Variants in RABGAP1L observed in about 807,000 individuals in gnomAD.
RABGAP1L encodes the protein rab GTPase-activating protein 1-like.
Under a neutral mutation model 137.7 loss-of-function variants are expected in RABGAP1L, and 63 were observed. The ratio of observed to expected loss-of-function variants is 0.46; its 90% CI spans 0.37 to 0.56. The LOEUF is 0.56. Ranked by LOEUF, RABGAP1L falls within the 20% of genes least tolerant of loss-of-function variation. The pLI is 0.00. For synonymous variants in RABGAP1L, 431 were observed against 433.7 expected, an observed-to-expected ratio of 0.99 and a Z score of 0.08; for missense variants, 1,095 against 1,244.0, an observed-to-expected ratio of 0.88 and a Z score of 1.80.
chr1:174,718,659 C>T (rs1314273804), intron 17 of RABGAP1L, among the ~76,000 whole-genome samples: 3 of 152,030 alleles, frequency 2.0e-5, no homozygotes, highest in Non-Finnish European at 2.9e-5. Flanking sequence ...CCAGCTGTAT[C>T]AGGCTGAGTG....
intron 11 of RABGAP1L, among the ~76,000 whole-genome samples, chr1:174,325,614 C>G (rs1680370639): frequency 6.6e-6 from 1 of 152,144 alleles, no homozygotes; most frequent in Non-Finnish European, 1.5e-5. Context: ...CTCATGGTTT[C>G]TATATTGGAA....
At chr1:174,360,160 T>A (rs1007939424) in intron 11 of RABGAP1L, among the ~76,000 whole-genome samples, 30 of 152,216 alleles carry the variant, frequency 2.0e-4, no homozygotes, top group Non-Finnish European at 3.1e-4. Context: ...TAATTGTTGT[T>A]AACAGTGAGA....
At chr1:174,306,740 T>C (rs1363914611) in intron 11 of RABGAP1L, among the ~76,000 whole-genome samples, 1 of 152,146 alleles carries the variant, frequency 6.6e-6, no homozygotes, top group East Asian at 1.9e-4. Flanking sequence ...ATTTACTACA[T>C]GGTTGCTGCT....
chr1:174,755,497 A>C (rs2148685303), intron 18 of RABGAP1L, among the ~76,000 whole-genome samples: 1 of 152,304 alleles, frequency 6.6e-6, no homozygotes, highest in Non-Finnish European at 1.5e-5. Flanking sequence ...GTTAAAAGCA[A>C]ATGACAGAGT....
intron 13 of RABGAP1L, among the ~76,000 whole-genome samples, chr1:174,534,303 A>G (rs1172302833): frequency 6.6e-6 from 1 of 152,016 alleles, no homozygotes; most frequent in African/African-American, 2.4e-5. Flanking sequence ...ACAAAACAAA[A>G]AGCTGCAGTA....
intron 13 of RABGAP1L, among the ~76,000 whole-genome samples, chr1:174,440,401 G>C (rs1297963289): frequency 6.6e-6 from 1 of 152,170 alleles, no homozygotes; most frequent in Non-Finnish European, 1.5e-5. Flanking sequence ...CACTACAGGT[G>C]TCTAAGCACA....
At chr1:174,331,308 A>G (rs1265676605) in intron 11 of RABGAP1L, among the ~76,000 whole-genome samples, 1 of 152,244 alleles carries the variant, frequency 6.6e-6, no homozygotes, top group Non-Finnish European at 1.5e-5. Context: ...CCTCAAAAAT[A>G]AGAGCAACAA....
intron 13 of RABGAP1L, among the ~76,000 whole-genome samples, chr1:174,596,281 C>A (rs1223405267): frequency 6.6e-6 from 1 of 150,884 alleles, no homozygotes; most frequent in African/African-American, 2.5e-5. Flanking sequence ...GAACCCGGTA[C>A]CTCAGATGGA....
intron 13 of RABGAP1L, among the ~76,000 whole-genome samples, chr1:174,550,917 C>CACACACACAT (rs1374389910): frequency 0.086 from 8,305 of 96,270 alleles, 728 homozygotes; most frequent in East Asian, 0.33. Flanking sequence ...TATACACACA[C>CACACACACAT]ACACATATAT....
At chr1:174,978,261 C>T (rs1015128436) in intron 22 of RABGAP1L, among the ~76,000 whole-genome samples, 5 of 152,158 alleles carry the variant, frequency 3.3e-5, no homozygotes, top group African/African-American at 1.2e-4. Flanking sequence ...ACTTTAGCTC[C>T]TTCTAAAGTC....
chr1:174,616,886 C>A (rs145410639), intron 13 of RABGAP1L, among the ~76,000 whole-genome samples: 1 of 152,190 alleles, frequency 6.6e-6, no homozygotes, highest in East Asian at 1.9e-4. Flanking sequence ...TCTGAAAAAG[C>A]ATCTCACGTG....
intron 13 of RABGAP1L, among the ~76,000 whole-genome samples, chr1:174,500,592 A>G (rs540133696): frequency 6.6e-6 from 1 of 152,324 alleles, no homozygotes; most frequent in South Asian, 2.1e-4. Flanking sequence ...CAGTAGTGTG[A>G]TAAGTATTAT....
At chr1:174,335,366 A>G (rs1261281978) in intron 11 of RABGAP1L, among the ~76,000 whole-genome samples, 4 of 152,200 alleles carry the variant, frequency 2.6e-5, no homozygotes, top group African/African-American at 7.2e-5. Context: ...CTGTAATTTA[A>G]CTAAAAAGGG....
At chr1:174,228,950 A>T (rs1173033999) in intron 3 of RABGAP1L, among the ~76,000 whole-genome samples, 1 of 152,132 alleles carries the variant, frequency 6.6e-6, no homozygotes, top group Non-Finnish European at 1.5e-5. Context: ...TACCTGATAC[A>T]CGGAGATGGA....
chr1:174,931,860 A>T (rs1663846160), intron 19 of RABGAP1L, among the ~76,000 whole-genome samples: 1 of 152,154 alleles, frequency 6.6e-6, no homozygotes, highest in African/African-American at 2.4e-5. Context: ...GAAAGATTGT[A>T]CATGTTGGCT....
intron 13 of RABGAP1L, among the ~76,000 whole-genome samples, chr1:174,443,165 A>G (rs1654346820): frequency 6.6e-6 from 1 of 152,082 alleles, no homozygotes; most frequent in Non-Finnish European, 1.5e-5. Flanking sequence ...TATTGTGAAT[A>G]GTGTTGTAAT....
At chr1:174,202,869 T>C (rs1420255714) in intron 1 of RABGAP1L, among the ~76,000 whole-genome samples, 1 of 152,220 alleles carries the variant, frequency 6.6e-6, no homozygotes, top group East Asian at 1.9e-4. Context: ...TTTCTACATA[T>C]GGCTAGCCAG....
intron 8 of RABGAP1L, 74 bp downstream of exon 8, chr1:174,272,554 A>G (rs1674645983): frequency 1.4e-6 from 2 of 1,401,166 alleles, no homozygotes; most frequent in Admixed American, 2.9e-5. Context: ...TTTTCTATTT[A>G]CAAATTTTGT....
At chr1:174,549,653 A>T (rs960868652) in intron 13 of RABGAP1L, among the ~76,000 whole-genome samples, 1 of 152,214 alleles carries the variant, frequency 6.6e-6, no homozygotes, top group Non-Finnish European at 1.5e-5. Context: ...AGCCAAGCCA[A>T]CTTGTTGCTG....
Sources: allele counts gnomAD v4.1 joint callset (sites outside exome capture counted in the v4.1 genomes callset), GRCh38; gene constraint gnomAD v4.1.1; transcripts MANE v1.5; gene names NCBI Gene and HGNC (gene_info 2026-07-23, HGNC 2026-07-21).